PKHD1: variants seen among roughly 807,000 people sequenced by gnomAD.
The protein encoded by PKHD1 is PKHD1 ciliary IPT domain containing fibrocystin/polyductin.
PKHD1 carries 291 observed loss-of-function variants against 412.0 expected under a neutral mutation model. That is an observed-to-expected ratio of 0.71 (90% confidence interval 0.64 to 0.78). The LOEUF (loss-of-function observed/expected upper bound fraction) is 0.78. PKHD1 is among the 30% of genes least tolerant of loss of function. The probability of loss-of-function intolerance (pLI) is 0.00; values close to 1 mark genes in which losing one functional copy is unlikely to be tolerated. For synonymous variants in PKHD1, 1,777 were observed against 1,821.5 expected (o/e 0.98, Z 0.62); for missense variants, 4,825 against 4,950.7 (o/e 0.97, Z 0.76).
At chr6:51,701,151 T>C (rs188927724) in intron 60 of PKHD1, among the ~76,000 whole-genome samples, 2 of 152,142 alleles carry the variant, frequency 1.3e-5, no homozygotes, top group Non-Finnish European at 2.9e-5. Flanking sequence ...AACTAAAACA[T>C]TAACTCTGGG....
chr6:51,897,515 A>G (rs1780299396), intron 43 of PKHD1, among the ~76,000 whole-genome samples: 3 of 148,442 alleles, frequency 2.0e-5, no homozygotes, highest in Admixed American at 6.7e-5. Context: ...TGAAGGAAGC[A>G]CTAAACATGG....
chr6:51,713,038 T>C (rs1402311462), intron 60 of PKHD1, among the ~76,000 whole-genome samples: 4 of 152,214 alleles, frequency 2.6e-5, no homozygotes, highest in Non-Finnish European at 5.9e-5. Context: ...GAAGAGTATC[T>C]AGCAGGTTGT....
chr6:52,027,295 G>A (rs1802343004), intron 31 of PKHD1, among the ~76,000 whole-genome samples: 1 of 151,986 alleles, frequency 6.6e-6, no homozygotes, highest in East Asian at 1.9e-4. Context: ...ACTTTAGGAG[G>A]CCGAGGTGGG....
At chr6:51,668,417 T>G (rs1030569597) in intron 60 of PKHD1, among the ~76,000 whole-genome samples, 359 of 152,304 alleles carry the variant, frequency 2.4e-3, no homozygotes, top group Non-Finnish European at 4.3e-3. Context: ...CTTTGCTGAA[T>G]TTGCTTATCA....
chr6:51,752,307 C>T (rs945822296), intron 57 of PKHD1, among the ~76,000 whole-genome samples: 5 of 152,144 alleles, frequency 3.3e-5, no homozygotes, highest in African/African-American at 1.2e-4. Context: ...TTTGGCACTA[C>T]CCATACATGC....
intron 53 of PKHD1, among the ~76,000 whole-genome samples, chr6:51,777,217 C>G (rs1341458896): frequency 2.0e-5 from 3 of 152,064 alleles, no homozygotes; most frequent in Non-Finnish European, 4.4e-5. Context: ...GTCTTTTGAG[C>G]AACATAAAAT....
At chr6:52,083,133 G>C (rs1812280369) in intron 3 of PKHD1, 45 bp downstream of exon 3, 1 of 1,206,960 alleles carries the variant, frequency 8.3e-7, no homozygotes, top group Non-Finnish European at 1.2e-6. Context: ...TTAGGATTGT[G>C]GGTCAATACA....
At chr6:51,704,754 G>C (rs1177416309) in intron 60 of PKHD1, among the ~76,000 whole-genome samples, 1 of 152,024 alleles carries the variant, frequency 6.6e-6, no homozygotes, top group East Asian at 1.9e-4. Context: ...AAAATAGTTG[G>C]ATATTCAGAT....
chr6:51,778,796 G>A (rs1234374224), intron 53 of PKHD1, among the ~76,000 whole-genome samples: 1 of 151,998 alleles, frequency 6.6e-6, no homozygotes, highest in Non-Finnish European at 1.5e-5. Flanking sequence ...TTGCACTTAA[G>A]CCCACTCTGT....
chr6:52,052,039 C>G (rs1806939702), intron 21 of PKHD1, among the ~76,000 whole-genome samples: 1 of 152,172 alleles, frequency 6.6e-6, no homozygotes, highest in Admixed American at 6.5e-5. Flanking sequence ...ATAAAGAGTC[C>G]TCTTGCCACC....
chr6:52,051,059 A>G (rs1806765305), intron 21 of PKHD1, among the ~76,000 whole-genome samples: 1 of 152,248 alleles, frequency 6.6e-6, no homozygotes. Flanking sequence ...TCGTCTTCTC[A>G]TGCTTGATGC....
Position 52,064,607 on chromosome 6 carries a change from A to G in PKHD1, c.976+348T>C, listed in dbSNP as rs566157151. ...CTCTAACGCTCCTGTCTTCTTAGCC[A>G]GTGGACGTGCAACTGACCCATTGAA... On this transcript the variant is annotated intron_variant, in intron 13 of 66. Transcript: ENST00000371117. Among the ~76,000 whole-genome samples, 11 of 152,250 alleles carry G rather than the reference A, an allele frequency of 7.2e-5. No homozygotes were observed. In the South Asian group the frequency reaches 2.3e-3, roughly 32 times the overall value.
intron 62 of PKHD1, 40 bp from the exon 63 acceptor site, chr6:51,648,158 G>T (rs1770375271): frequency 9.1e-7 from 1 of 1,101,084 alleles, no homozygotes; most frequent in East Asian, 2.3e-5. Flanking sequence ...GAAAAAGTTG[G>T]ATTCAGAAGA....
chr6:51,923,509 G>GA (rs34184524), intron 37 of PKHD1, among the ~76,000 whole-genome samples: 7 of 137,160 alleles, frequency 5.1e-5, no homozygotes, highest in Non-Finnish European at 9.6e-5. Flanking sequence ...ACACAAATGT[G>GA]AAAAAAAAGA....
In PKHD1 at chr6:51,616,850, C is replaced by T. The variant is rs1766109990; in HGVS notation, c.*2231G>A. Reference sequence around the variant, plus strand: ...AAGGGTAAAGAAGGGGCAGAAATAACAGAGCTGGCAGCTAACTCTTTGTGA... The same window carrying T: ...AAGGGTAAAGAAGGGGCAGAAATAATAGAGCTGGCAGCTAACTCTTTGTGA... On this transcript the variant is annotated 3_prime_UTR_variant, in exon 67 of 67. Coordinates refer to ENST00000371117, the MANE Select transcript of PKHD1 (RefSeq NM_138694.4). 2 of 392,420 alleles carry T rather than the reference C, an allele frequency of 5.1e-6. No homozygotes were observed. The highest frequency in any genetic ancestry group is 3.6e-5 in the East Asian group (1 of 27,824). 24.3% of individuals were successfully genotyped at this position (392,420 alleles called of 1,614,324 possible). A position where few individuals can be genotyped will look rare whatever the true frequency, so the allele number is the denominator to read the frequency against.
At chr6:51,636,842 T>G (rs1366900502) in intron 64 of PKHD1, among the ~76,000 whole-genome samples, 1 of 152,196 alleles carries the variant, frequency 6.6e-6, no homozygotes, top group Non-Finnish European at 1.5e-5. Context: ...TCCTTTCTTT[T>G]TATCCTCCAT....
At chr6:51,731,411 T>C (rs1359817771) in intron 60 of PKHD1, among the ~76,000 whole-genome samples, 1 of 152,212 alleles carries the variant, frequency 6.6e-6, no homozygotes, top group East Asian at 1.9e-4. Context: ...AGATTTCTCA[T>C]AAAGGATTGT....
chr6:51,714,977 T>TG (rs1175985182), intron 60 of PKHD1, among the ~76,000 whole-genome samples: 13 of 151,972 alleles, frequency 8.6e-5, no homozygotes, highest in African/African-American at 1.9e-4. Flanking sequence ...TATTGGAATT[T>TG]TCACAAATTC....
intron 23 of PKHD1, 74 bp from the exon 24 acceptor site, chr6:52,046,262 T>C (rs1805808936): frequency 2.9e-5 from 33 of 1,136,496 alleles, no homozygotes; most frequent in Non-Finnish European, 4.4e-5. Context: ...TCCTCAAGGA[T>C]AACACGATAC....
Sources: allele counts gnomAD v4.1 joint callset (sites outside exome capture counted in the v4.1 genomes callset), GRCh38; gene constraint gnomAD v4.1.1; transcripts MANE v1.5; gene names NCBI Gene and HGNC (gene_info 2026-07-23, HGNC 2026-07-21).